Variants in UNC5D observed in about 807,000 individuals in gnomAD.
UNC5D encodes unc-5 netrin receptor D.
Under a neutral mutation model 105.4 loss-of-function variants are expected in UNC5D, and 39 were observed. The observed-to-expected ratio is 0.37, with a 90% confidence interval of 0.29 to 0.48. The LOEUF (loss-of-function observed/expected upper bound fraction) is 0.48. Among genes scored for constraint, UNC5D ranks in the 20% least tolerant of loss-of-function variants. The pLI, the probability that UNC5D is intolerant of heterozygous loss-of-function variation, is 0.98. For synonymous variants in UNC5D, 452 were observed against 450.4 expected (o/e 1.00, Z -0.04); for missense variants, 991 against 1,202.4 (o/e 0.82, Z 2.60).
chr8:35,271,743 T>TATACATGTACATGTATACATATATATG (rs1563268511), intron 1 of UNC5D, among the ~76,000 whole-genome samples: 1 of 130,646 alleles, frequency 7.7e-6, no homozygotes, highest in African/African-American at 2.9e-5. Context: ...ACATATATAT[T>TATACATGTACATGTATACATATATATG]TATACATGTA....
At chr8:35,353,639 C>A (rs1197996690) in intron 1 of UNC5D, among the ~76,000 whole-genome samples, 1 of 151,976 alleles carries the variant, frequency 6.6e-6, no homozygotes, top group Admixed American at 6.6e-5. Context: ...TCTTAAAGTT[C>A]ATTGATAGGG....
At chr8:35,621,325 G>A (rs1029473456) in intron 4 of UNC5D, among the ~76,000 whole-genome samples, 20 of 152,058 alleles carry the variant, frequency 1.3e-4, no homozygotes, top group African/African-American at 2.4e-4. Context: ...TGAGTATCAC[G>A]CCTCATCTCT....
chr8:35,294,697 C>CTTT (rs36071675), intron 1 of UNC5D, among the ~76,000 whole-genome samples: 5 of 141,304 alleles, frequency 3.5e-5, no homozygotes, highest in Admixed American at 7.1e-5. Context: ...TTCTTTTCTT[C>CTTT]TTTTTTTTTT....
At chr8:35,269,732 T>A (rs1440807848) in intron 1 of UNC5D, among the ~76,000 whole-genome samples, 1 of 152,170 alleles carries the variant, frequency 6.6e-6, no homozygotes. Context: ...GATGCTGTCA[T>A]CAGTACTTTA....
chr8:35,673,760 T>A (rs866729726), intron 4 of UNC5D, among the ~76,000 whole-genome samples: 2 of 152,152 alleles, frequency 1.3e-5, no homozygotes, highest in African/African-American at 4.8e-5. Flanking sequence ...TCCAATACAG[T>A]CACAAGAACA....
intron 1 of UNC5D, among the ~76,000 whole-genome samples, chr8:35,475,312 AT>A (rs1810008006): frequency 6.6e-6 from 1 of 152,236 alleles, no homozygotes; most frequent in African/African-American, 2.4e-5. Context: ...CATTCTGTCC[AT>A]TTTTGTTAGG....
chr8:35,498,084 C>CAAAAAAAAAAAAAAAAAAAAAA (rs58175711), intron 1 of UNC5D, among the ~76,000 whole-genome samples: 5 of 58,186 alleles, frequency 8.6e-5, no homozygotes, highest in South Asian at 5.5e-4. Flanking sequence ...CAAAACAAAA[C>CAAAAAAAAAAAAAAAAAAAAAA]AAAAAAAAAA....
At chr8:35,607,856 CT>C (rs991169272) in intron 4 of UNC5D, among the ~76,000 whole-genome samples, 34 of 148,618 alleles carry the variant, frequency 2.3e-4, no homozygotes, top group African/African-American at 8.1e-4. Context: ...ACCCTAACCC[CT>C]AACCCTAACC....
intron 1 of UNC5D, among the ~76,000 whole-genome samples, chr8:35,420,843 A>T (rs1455770653): frequency 6.6e-6 from 1 of 152,150 alleles, no homozygotes; most frequent in Non-Finnish European, 1.5e-5. Context: ...GCCCAGGAGA[A>T]CTATAAAAAA....
intron 1 of UNC5D, among the ~76,000 whole-genome samples, chr8:35,237,871 C>T (rs1585386610): frequency 6.6e-6 from 1 of 152,140 alleles, no homozygotes; most frequent in South Asian, 2.1e-4. Flanking sequence ...CCTGGCTTTG[C>T]ACAGTTGGGT....
Position 35,725,192 on chromosome 8 carries a change from A to G in UNC5D, c.1304-960A>G, listed in dbSNP as rs1828794024. 3.3e-5 allele frequency among the ~76,000 whole-genome samples: 5 copies of G among 152,172 alleles called. No homozygotes were observed. In the South Asian group the frequency reaches 1.0e-3, roughly 32 times the overall value. On this transcript the variant is annotated intron_variant, in intron 9 of 16. Coordinates refer to ENST00000404895, the MANE Select transcript of UNC5D (RefSeq NM_080872.4). ...CTTTAAACATTTTTGTCAGGCCCCA[A>G]AGGAAAATTGTTTAATATGGTTTGG...
intron 1 of UNC5D, among the ~76,000 whole-genome samples, chr8:35,304,205 GT>G (rs1192733835): frequency 1.3e-5 from 2 of 151,884 alleles, no homozygotes; most frequent in Non-Finnish European, 2.9e-5. Context: ...AAACACACTG[GT>G]TTGATTTCTC....
At chr8:35,648,252 G>A (rs886169062) in intron 4 of UNC5D, among the ~76,000 whole-genome samples, 1 of 152,124 alleles carries the variant, frequency 6.6e-6, no homozygotes, top group African/African-American at 2.4e-5. Flanking sequence ...ATGTAATTAT[G>A]TGGCCTGAAT....
chr8:35,333,623 G>T (rs1167498246), intron 1 of UNC5D, among the ~76,000 whole-genome samples: 3 of 152,038 alleles, frequency 2.0e-5, no homozygotes, highest in Non-Finnish European at 2.9e-5. Flanking sequence ...AGGATTATAG[G>T]CACTTTCCCC....
chr8:35,314,705 A>G (rs1196457781), intron 1 of UNC5D, among the ~76,000 whole-genome samples: 2 of 152,200 alleles, frequency 1.3e-5, no homozygotes, highest in South Asian at 2.1e-4. Context: ...TGTTGGTTCT[A>G]TGGGGTTGAC....
At chr8:35,362,409 G>GT (rs1801905401) in intron 1 of UNC5D, among the ~76,000 whole-genome samples, 1 of 152,106 alleles carries the variant, frequency 6.6e-6, no homozygotes, top group African/African-American at 2.4e-5. Flanking sequence ...TGCCTTCTGG[G>GT]TAGAGCACTT....
chr8:35,701,092 A>G (rs1376909082), intron 7 of UNC5D, among the ~76,000 whole-genome samples: 1 of 152,204 alleles, frequency 6.6e-6, no homozygotes, highest in African/African-American at 2.4e-5. Flanking sequence ...AATACGGGAT[A>G]TGACTAGTCT....
At chr8:35,509,926 C>T (rs1435971228) in intron 1 of UNC5D, among the ~76,000 whole-genome samples, 2 of 152,042 alleles carry the variant, frequency 1.3e-5, no homozygotes, top group Non-Finnish European at 2.9e-5. Flanking sequence ...CTTAGGTTTG[C>T]TGGTTATTAT....
intron 1 of UNC5D, among the ~76,000 whole-genome samples, chr8:35,378,341 G>A (rs1365355027): frequency 2.0e-5 from 3 of 152,048 alleles, no homozygotes; most frequent in African/African-American, 7.2e-5. Context: ...TACTTCCCTG[G>A]AGTGTCTGAT....
Sources: allele counts gnomAD v4.1 joint callset (sites outside exome capture counted in the v4.1 genomes callset), GRCh38; gene constraint gnomAD v4.1.1; transcripts MANE v1.5; gene names NCBI Gene and HGNC (gene_info 2026-07-23, HGNC 2026-07-21).